The following CTSC variants were observed in gnomAD, a reference collection of about 807,000 sequenced individuals.
CTSC encodes the protein cathepsin C, also known as dipeptidyl peptidase 1.
In CTSC, 37 loss-of-function variants were observed where a neutral mutation model predicts 40.9. That is an observed-to-expected ratio of 0.91 (90% CI 0.70 to 1.19). The LOEUF (loss-of-function observed/expected upper bound fraction) is 1.19. CTSC is among the 50% of genes most tolerant of loss of function. CTSC has a pLI of 0.00. For missense variants in CTSC, 594 were observed against 567.3 expected, an observed-to-expected ratio of 1.05 and a Z score of -0.48; for synonymous variants, 232 against 207.4, an observed-to-expected ratio of 1.12 and a Z score of -1.02.
At chr11:88,306,637 T>C (rs1442326762) in intron 4 of CTSC, among the ~76,000 whole-genome samples, 3 of 152,244 alleles carry the variant, frequency 2.0e-5, no homozygotes, top group Non-Finnish European at 2.9e-5. Context: ...TTCCCCTCCA[T>C]CCTCCTTCTC....
At chr11:88,301,216 G>A (rs994132105) in intron 4 of CTSC, among the ~76,000 whole-genome samples, 6 of 152,166 alleles carry the variant, frequency 3.9e-5, no homozygotes, top group East Asian at 1.9e-4. Flanking sequence ...GCAGGAATGC[G>A]AAGGGCTTTG....
Position 88,314,630 on chromosome 11 carries a change from C to T in CTSC, c.319-2076G>A, listed in dbSNP as rs375466333. On this transcript the variant is annotated intron_variant, in intron 2 of 6. Coordinates refer to ENST00000227266, the MANE Select transcript of CTSC (RefSeq NM_001814.6). Reference sequence around the variant, plus strand: ...GCAACCTCCGCCTCCCAGGTTCAAGCGATTCTCCTGCCTCAGCCTCCCAAG... The same window carrying T: ...GCAACCTCCGCCTCCCAGGTTCAAGTGATTCTCCTGCCTCAGCCTCCCAAG... 8.1e-4 allele frequency among the ~76,000 whole-genome samples: 124 copies of T among 152,212 alleles called. 1 individual carries two copies. The highest frequency in any genetic ancestry group is 6.8e-3 in the Middle Eastern group (2 of 294).
Position 88,294,020 on chromosome 11 carries a change from T to C in CTSC, c.1378A>G (p.Ile460Val), listed in dbSNP as rs1423915732. The change falls in exon 7 of 7, where the codon ATT becomes GTT. Residue 460 changes from isoleucine (I) to valine (V), a missense_variant. Coordinates refer to ENST00000227266, the MANE Select transcript of CTSC (RefSeq NM_001814.6). The part of the protein sequence containing the change: ...IESIAVAATP[I>V]PKL The stretch of plus-strand genomic sequence containing the variant: ...GAAGGCATACCCTACAATTTAGGAA[T>C]TGGTGTGGCTGCCACTGCTATGCTC... The C allele has an allele frequency of 1.2e-6, 2 of 1,613,892 alleles. No individual in the cohort carries two copies. The highest frequency in any genetic ancestry group is 2.2e-5 in the East Asian group (1 of 44,894).
At chr11:88,312,162 A>C (rs1443514426) in intron 3 of CTSC, among the ~76,000 whole-genome samples, 3 of 152,172 alleles carry the variant, frequency 2.0e-5, no homozygotes, top group African/African-American at 7.2e-5. Flanking sequence ...CCATTACATG[A>C]TTTCATTTAA....
intron 2 of CTSC, chr11:88,326,381 C>G: frequency 6.2e-7 from 1 of 1,613,986 alleles, no homozygotes; most frequent in East Asian, 2.2e-5. Context: ...TGTCTCTTAG[C>G]CCCAACGTCT....
chr11:88,325,924 G>C (rs1457379019), intron 2 of CTSC: 1 of 989,742 alleles, frequency 1.0e-6, no homozygotes, highest in Non-Finnish European at 1.2e-6. Flanking sequence ...AGGCTCTTGG[G>C]TTCCTCAAGG....
chr11:88,336,415 C>T (rs970373985), intron 1 of CTSC, among the ~76,000 whole-genome samples: 71 of 150,810 alleles, frequency 4.7e-4, no homozygotes, highest in African/African-American at 1.6e-3. Flanking sequence ...GGCATGTGCC[C>T]GTAATCCTAG....
At chr11:88,304,846 G>A (rs940284225) in intron 4 of CTSC, among the ~76,000 whole-genome samples, 18 of 152,112 alleles carry the variant, frequency 1.2e-4, no homozygotes, top group African/African-American at 4.1e-4. Flanking sequence ...ATCTGTAATT[G>A]CAGCACTTTG....
Position 88,302,399 on chromosome 11 carries a change from G to A in CTSC, c.642-1754C>T, listed in dbSNP as rs574829464. ...CCAGCATTGGGAGGCCGAGGCGGGCGGATCACGAGGTCAGGAGATTGAGAC... is the reference window on the plus strand; with the variant it reads ...CCAGCATTGGGAGGCCGAGGCGGGCAGATCACGAGGTCAGGAGATTGAGAC... On this transcript the variant is annotated intron_variant, in intron 4 of 6. Coordinates refer to ENST00000227266, the MANE Select transcript of CTSC (RefSeq NM_001814.6). Among the ~76,000 whole-genome samples the A allele has an allele frequency of 6.6e-5, 10 of 152,138 alleles. No homozygotes were observed. In the East Asian group the frequency reaches 1.2e-3, roughly 18 times the overall value.
intron 2 of CTSC, among the ~76,000 whole-genome samples, chr11:88,334,522 A>G (rs1263523643): frequency 6.6e-6 from 1 of 152,212 alleles, no homozygotes; most frequent in Non-Finnish European, 1.5e-5. Context: ...TCACTACCTC[A>G]GCCAACAGGT....
intron 2 of CTSC, among the ~76,000 whole-genome samples, chr11:88,331,754 T>C (rs1477272996): frequency 1.3e-5 from 2 of 152,208 alleles, no homozygotes; most frequent in Non-Finnish European, 2.9e-5. Context: ...GGTGTCTCTG[T>C]GCAGTGTTCC....
At chr11:88,298,083 C>A (rs758393338) in intron 5 of CTSC, 2 of 151,990 alleles carry the variant, frequency 1.3e-5, no homozygotes, top group Non-Finnish European at 2.9e-5. Context: ...TCTTTTTAAT[C>A]TTTTGTGTAA....
Position 88,294,337 on chromosome 11 carries a change from C to A in CTSC, c.1061G>T (p.Gly354Val). 1 of 1,614,162 alleles carries A rather than the reference C, an allele frequency of 6.2e-7. No individual in the cohort carries two copies. Among genetic ancestry groups the A allele is most frequent in the Non-Finnish European group, 8.5e-7 (1 of 1,180,036 alleles). The change falls in exon 7 of 7, where the codon GGC (glycine) becomes GTC (valine). Residue 354 changes from glycine to valine, a missense_variant. Coordinates refer to ENST00000227266, the MANE Select transcript of CTSC (RefSeq NM_001814.6). Reference sequence around the variant, plus strand: ...AAGCTTCATCAGGGCTTCATTGCAGCCTCCATAGAAACCTCCTACATAGTG... The same window carrying A: ...AAGCTTCATCAGGGCTTCATTGCAGACTCCATAGAAACCTCCTACATAGTG... ...EYHYVGGFYG[G>V]CNEALMKLEL... is the part of the protein sequence containing the mutation.
intron 2 of CTSC, 46 bp downstream of exon 2, chr11:88,334,891 A>G (rs368224078): frequency 1.1e-4 from 153 of 1,446,466 alleles, no homozygotes; most frequent in Non-Finnish European, 1.3e-4. Flanking sequence ...GAGGTTTCAG[A>G]TATCAAATCA....
chr11:88,330,345 G>GA (rs753529508), intron 2 of CTSC, among the ~76,000 whole-genome samples: 3 of 151,984 alleles, frequency 2.0e-5, no homozygotes, highest in East Asian at 1.9e-4. Context: ...TGCTGAGTAA[G>GA]AAAAAATCTT....
At chr11:88,308,729 G>A (rs572269948) in intron 4 of CTSC, among the ~76,000 whole-genome samples, 1 of 151,514 alleles carries the variant, frequency 6.6e-6, no homozygotes, top group African/African-American at 2.4e-5. Context: ...CTACCTATGA[G>A]CTTTGGACAA....
chr11:88,337,696 G>A lies in CTSC; in HGVS notation c.-24C>T, dbSNP rs1449727420. The A allele has an allele frequency of 2.4e-5, 37 of 1,558,534 alleles. No homozygotes were observed. Among genetic ancestry groups the A allele is most frequent in the Non-Finnish European group, 3.1e-5 (36 of 1,151,092 alleles). On this transcript the variant is annotated 5_prime_UTR_variant, in exon 1 of 7. Transcript: ENST00000227266. ...ATGCTGCAGGGAGCTGAGAAAAGAG[G>A]TGAAGAATTACCAGGAAGCCGAGCG...
At position 88,309,812 on chromosome 11, in the gene CTSC, GCGCACACACACA is replaced by G. The variant is rs1420323204; in HGVS notation, c.486-506_486-495del. Among the ~76,000 whole-genome samples the G allele has an allele frequency of 2.5e-3, 267 of 108,060 alleles. 1 individual carries two copies. Among genetic ancestry groups the G allele is most frequent in the African/African-American group, 7.6e-3 (245 of 32,112 alleles). 70.9% of individuals were successfully genotyped at this position (108,060 alleles called of 152,430 possible). On this transcript the variant is annotated intron_variant, in intron 3 of 6. Transcript: ENST00000227266. ...ATAATACATACATATATATGTATGC[GCGCACACACACA>G]CACACACACACACACACACACACAC...
At chr11:88,311,942 T>C (rs760679139) in intron 3 of CTSC, among the ~76,000 whole-genome samples, 1 of 152,220 alleles carries the variant, frequency 6.6e-6, no homozygotes. Context: ...TGTGGTACTT[T>C]GTTATGGCAG....
Sources: gnomAD v4.1 joint callset for allele counts (sites outside exome capture counted in the v4.1 genomes callset) on GRCh38, gnomAD v4.1.1 for gene constraint, MANE v1.5 for transcripts, NCBI Gene and HGNC (gene_info 2026-07-23, HGNC 2026-07-21) for gene names.